GRK5: variants seen among roughly 807,000 people sequenced by gnomAD.
GRK5 encodes the protein G protein-coupled receptor kinase 5, also known as g protein-coupled receptor kinase GRK5.
GRK5 carries 40 observed loss-of-function variants against 78.4 expected under a neutral mutation model. That is an observed-to-expected ratio of 0.51 (90% CI 0.40 to 0.66). The LOEUF is 0.66. GRK5 is among the 30% of genes least tolerant of loss of function. The probability of loss-of-function intolerance (pLI) is 0.00; values close to 1 mark genes in which losing one functional copy is unlikely to be tolerated. For missense variants in GRK5, 598 were observed against 759.9 expected (o/e 0.79, Z 2.50); for synonymous variants, 289 against 296.8 (o/e 0.97, Z 0.27).
Position 119,459,401 on chromosome 10 carries a change from T to A in GRK5, c.*4334T>A, listed in dbSNP as rs1005597232. The A allele has an allele frequency of 8.2e-5, 10 of 122,646 alleles. No individual in the cohort carries two copies. The highest frequency in any genetic ancestry group is 2.6e-4 in the African/African-American group (10 of 39,200). 7.6% of individuals were successfully genotyped at this position (122,646 alleles called of 1,614,324 possible). On this transcript the variant is annotated 3_prime_UTR_variant, in exon 16 of 16. Transcript: ENST00000392870. ...GCTCTCCCTGGCAGAGAAAGACACT[T>A]CCCCCCCAAAGTGGAATTTAGATGT... is the stretch of plus-strand genomic sequence containing the variant.
intron 2 of GRK5, among the ~76,000 whole-genome samples, chr10:119,369,747 G>T (rs1415072916): frequency 6.6e-6 from 1 of 152,208 alleles, no homozygotes; most frequent in African/African-American, 2.4e-5. Flanking sequence ...AGTGGAGGTT[G>T]CAGTCAGCCT....
intron 1 of GRK5, among the ~76,000 whole-genome samples, chr10:119,318,734 C>T (rs1343434798): frequency 6.6e-6 from 1 of 152,118 alleles, no homozygotes; most frequent in Non-Finnish European, 1.5e-5. Flanking sequence ...TCCCCACAAG[C>T]ACTGCACCTC....
In GRK5 at chr10:119,394,450, G is replaced by T. The variant is rs1431848450; in HGVS notation, c.262-2245G>T. 2.0e-3 allele frequency among the ~76,000 whole-genome samples: 2 copies of T among 976 alleles called. 1 individual carries two copies. The highest frequency in any genetic ancestry group is 0.12 in the East Asian group (2 of 16). 0.6% of individuals were successfully genotyped at this position (976 alleles called of 152,430 possible). On this transcript the variant is annotated intron_variant, in intron 3 of 15. Transcript: ENST00000392870. ...GGTACGTGTATGGGTGTGTGTATCT[G>T]CTTAGTGGGCACGTGTGTGGATGTG... is the stretch of plus-strand genomic sequence containing the variant.
intron 2 of GRK5, among the ~76,000 whole-genome samples, chr10:119,358,327 G>A (rs1851299047): frequency 1.3e-5 from 2 of 152,154 alleles, no homozygotes; most frequent in South Asian, 2.1e-4. Context: ...GATTATGCCC[G>A]GGGTGTAGCA....
chr10:119,280,388 AC>A (rs934995013), intron 1 of GRK5, among the ~76,000 whole-genome samples: 1 of 152,082 alleles, frequency 6.6e-6, no homozygotes, highest in African/African-American at 2.4e-5. Flanking sequence ...TGGTTTTAAT[AC>A]CTGCAGGAAC....
chr10:119,354,500 C>T (rs970154243), intron 2 of GRK5, among the ~76,000 whole-genome samples: 5 of 148,898 alleles, frequency 3.4e-5, no homozygotes, highest in African/African-American at 1.2e-4. Flanking sequence ...CTTCCAGGCT[C>T]AATTGACCCT....
intron 1 of GRK5, among the ~76,000 whole-genome samples, chr10:119,315,263 A>T (rs957296027): frequency 3.3e-5 from 5 of 152,220 alleles, no homozygotes; most frequent in Non-Finnish European, 5.9e-5. Context: ...ACTTGGCTGG[A>T]GTCATGTTGC....
chr10:119,380,711 T>C, intron 2 of GRK5, 104 bp from the exon 3 acceptor site: 1 of 670,678 alleles, frequency 1.5e-6, no homozygotes, highest in Non-Finnish European at 2.7e-6. Context: ...GCCAGTCACC[T>C]TCCTCCATCC....
chr10:119,327,800 G>A (rs1850705015), intron 2 of GRK5, among the ~76,000 whole-genome samples: 1 of 152,336 alleles, frequency 6.6e-6, no homozygotes, highest in African/African-American at 2.4e-5. Context: ...ACATGAGCAG[G>A]TGAAGCAAGG....
intron 11 of GRK5, 129 bp from the exon 12 acceptor site, chr10:119,443,415 A>T (rs1853077865): frequency 4.0e-6 from 3 of 754,592 alleles, no homozygotes; most frequent in South Asian, 3.7e-5. Context: ...AGCTCCCTGG[A>T]GGGGGTGGTA....
chr10:119,228,385 G>A (rs533627914), intron 1 of GRK5, among the ~76,000 whole-genome samples: 3 of 146,328 alleles, frequency 2.1e-5, no homozygotes, highest in African/African-American at 5.1e-5. Context: ...CCGCCCCCCC[G>A]CAAAAACGTT....
At position 119,459,314 on chromosome 10, in the gene GRK5, T is replaced by C. The variant is rs572347255; in HGVS notation, c.*4247T>C. On this transcript the variant is annotated 3_prime_UTR_variant, in exon 16 of 16. Transcript: ENST00000392870. ...AGACCCTGCACAGGCCGGGGGTGTC[T>C]CACCTGGCCTAAACGTAAAGGCTTG... is the stretch of plus-strand genomic sequence containing the variant. The C allele has an allele frequency of 7.9e-5, 12 of 152,262 alleles. No individual in the cohort carries two copies. The highest frequency in any genetic ancestry group is 2.9e-4 in the African/African-American group (12 of 41,530). The allele number at this position is 152,262 out of a possible 1,614,324, so 9.4% of individuals were successfully genotyped here.
chr10:119,305,827 A>G (rs1850264466), intron 1 of GRK5, among the ~76,000 whole-genome samples: 1 of 151,672 alleles, frequency 6.6e-6, no homozygotes, highest in Non-Finnish European at 1.5e-5. Flanking sequence ...TTTTGTTCCC[A>G]TTCTGTAAGC....
At chr10:119,392,506 G>A (rs944418534) in intron 3 of GRK5, among the ~76,000 whole-genome samples, 2 of 152,176 alleles carry the variant, frequency 1.3e-5, no homozygotes, top group African/African-American at 2.4e-5. Context: ...GAGTTCAATC[G>A]ATTCTCCTGC....
intron 1 of GRK5, among the ~76,000 whole-genome samples, chr10:119,220,137 T>A (rs1432878180): frequency 6.6e-6 from 1 of 152,192 alleles, no homozygotes; most frequent in East Asian, 1.9e-4. Flanking sequence ...TCTGTAATCC[T>A]CTCTGAAGAG....
Position 119,347,342 on chromosome 10 carries a change from T to C in GRK5, c.148+20731T>C, listed in dbSNP as rs1851113306. On this transcript the variant is annotated intron_variant, in intron 2 of 15. Coordinates refer to ENST00000392870, the MANE Select transcript of GRK5 (RefSeq NM_005308.3). ...GTGTCCGTATATTTGTGAGTGTGCA[T>C]GTGTGTGCGTGTGTGTACATGCAAG... 3.3e-5 allele frequency among the ~76,000 whole-genome samples: 5 copies of C among 152,238 alleles called. No homozygotes were observed. In the South Asian group the frequency reaches 1.0e-3, roughly 32 times the overall value.
intron 1 of GRK5, among the ~76,000 whole-genome samples, chr10:119,219,718 C>G (rs1392612966): frequency 6.6e-6 from 1 of 152,152 alleles, no homozygotes; most frequent in Non-Finnish European, 1.5e-5. Flanking sequence ...CCCCCTCCCC[C>G]CTAATTTGGA....
chr10:119,278,555 C>CT, intron 1 of GRK5, among the ~76,000 whole-genome samples: 1 of 152,266 alleles, frequency 6.6e-6, no homozygotes. Flanking sequence ...CTTGGGCCCA[C>CT]TGAAGAGACA....
intron 1 of GRK5, among the ~76,000 whole-genome samples, chr10:119,228,822 T>A (rs1056990543): frequency 6.6e-6 from 1 of 152,120 alleles, no homozygotes. Context: ...GAGAGGACTG[T>A]ACAGAAATAA....
Sources: allele counts gnomAD v4.1 joint callset (sites outside exome capture counted in the v4.1 genomes callset), GRCh38; gene constraint gnomAD v4.1.1; transcripts MANE v1.5; gene names NCBI Gene and HGNC (gene_info 2026-07-23, HGNC 2026-07-21).